Variants in CD2AP observed in about 807,000 individuals in gnomAD.
CD2AP encodes CD2-associated protein.
CD2AP carries 46 observed loss-of-function variants against 85.1 expected under a neutral mutation model. The observed-to-expected ratio is 0.54, with a 90% confidence interval of 0.43 to 0.69. CD2AP has a LOEUF of 0.69. Ranked by LOEUF, CD2AP falls within the 30% of genes least tolerant of loss-of-function variation. The pLI, the probability that CD2AP is intolerant of heterozygous loss-of-function variation, is 0.00. For missense variants in CD2AP, 769 were observed against 729.5 expected, an observed-to-expected ratio of 1.05 and a Z score of -0.62; for synonymous variants, 255 against 252.9, an observed-to-expected ratio of 1.01 and a Z score of -0.08.
intron 17 of CD2AP, among the ~76,000 whole-genome samples, chr6:47,620,952 T>A (rs1002461330): frequency 6.6e-6 from 1 of 152,174 alleles, no homozygotes; most frequent in Non-Finnish European, 1.5e-5. Context: ...GAAGGAGTCT[T>A]GAGGGTTTTC....
At chr6:47,571,365 T>C (rs1768146628) in intron 5 of CD2AP, among the ~76,000 whole-genome samples, 3 of 152,086 alleles carry the variant, frequency 2.0e-5, no homozygotes. Context: ...TGCACAGGAC[T>C]GGTATTCCTG....
At chr6:47,569,984 G>T (rs993772763) in intron 5 of CD2AP, among the ~76,000 whole-genome samples, 1 of 152,018 alleles carries the variant, frequency 6.6e-6, no homozygotes, top group African/African-American at 2.4e-5. Flanking sequence ...TACTTTTTAG[G>T]AACTATGCAA....
At chr6:47,595,087 G>A (rs1382928511) in intron 11 of CD2AP, among the ~76,000 whole-genome samples, 2 of 151,966 alleles carry the variant, frequency 1.3e-5, no homozygotes, top group Admixed American at 6.6e-5. Flanking sequence ...GTATGCATGT[G>A]TCAATTTTAA....
At chr6:47,574,903 TC>T (rs1768263663) in intron 6 of CD2AP, among the ~76,000 whole-genome samples, 1 of 152,146 alleles carries the variant, frequency 6.6e-6, no homozygotes, top group African/African-American at 2.4e-5. Flanking sequence ...TTTTCACAGT[TC>T]CTTCTATCAG....
intron 11 of CD2AP, among the ~76,000 whole-genome samples, chr6:47,594,491 T>C (rs1215130669): frequency 1.3e-5 from 2 of 152,050 alleles, no homozygotes; most frequent in Admixed American, 1.3e-4. Flanking sequence ...TTAAAATAAA[T>C]ATATTCAATC....
intron 11 of CD2AP, among the ~76,000 whole-genome samples, chr6:47,584,623 T>C (rs921378123): frequency 6.6e-6 from 1 of 152,190 alleles, no homozygotes; most frequent in Non-Finnish European, 1.5e-5. Context: ...AAATATGTCA[T>C]GTACTTTCCT....
At chr6:47,605,285 T>C (rs982293500) in intron 13 of CD2AP, among the ~76,000 whole-genome samples, 1 of 151,962 alleles carries the variant, frequency 6.6e-6, no homozygotes, top group Non-Finnish European at 1.5e-5. Flanking sequence ...TCTGTAGCAG[T>C]TTACCTTTTG....
chr6:47,618,994 A>T (rs900818162), intron 17 of CD2AP, among the ~76,000 whole-genome samples: 1 of 152,234 alleles, frequency 6.6e-6, no homozygotes, highest in Non-Finnish European at 1.5e-5. Context: ...TTAACATTAT[A>T]CAGTATTATA....
intron 1 of CD2AP, among the ~76,000 whole-genome samples, chr6:47,491,285 G>A (rs995438853): frequency 6.6e-6 from 1 of 151,546 alleles, no homozygotes; most frequent in African/African-American, 2.4e-5. Flanking sequence ...GTGTGTGTGT[G>A]TGTGTGTGTG....
At chr6:47,558,305 G>A (rs931541740) in intron 5 of CD2AP, among the ~76,000 whole-genome samples, 4 of 152,106 alleles carry the variant, frequency 2.6e-5, no homozygotes, top group Non-Finnish European at 5.9e-5. Flanking sequence ...CTTCCTAGCT[G>A]AATGCCCTTT....
At chr6:47,539,197 GTAA>G (rs956243955) in intron 3 of CD2AP, among the ~76,000 whole-genome samples, 1 of 152,204 alleles carries the variant, frequency 6.6e-6, no homozygotes, top group Non-Finnish European at 1.5e-5. Flanking sequence ...AACATGTTAA[GTAA>G]TTGTAAGTGC....
chr6:47,511,886 G>GGGT (rs10656223), intron 2 of CD2AP, among the ~76,000 whole-genome samples: 92,672 of 151,622 alleles, frequency 0.61, 29,030 homozygotes, highest in Middle Eastern at 0.72. Flanking sequence ...AATTGGCCGG[G>GGGT]GGTGGCTCAC....
chr6:47,589,379 T>TAC (rs1554182232), intron 11 of CD2AP, among the ~76,000 whole-genome samples: 37 of 139,438 alleles, frequency 2.7e-4, no homozygotes, highest in Middle Eastern at 3.6e-3. Context: ...CTCTTGAATA[T>TAC]ACACACACAC....
intron 4 of CD2AP, among the ~76,000 whole-genome samples, chr6:47,550,607 G>A (rs1284439306): frequency 6.6e-6 from 1 of 152,110 alleles, no homozygotes; most frequent in African/African-American, 2.4e-5. Context: ...AACTAGTACA[G>A]CCACTATGGA....
chr6:47,531,108 T>G (rs1766863352), intron 2 of CD2AP, among the ~76,000 whole-genome samples: 1 of 152,136 alleles, frequency 6.6e-6, no homozygotes, highest in African/African-American at 2.4e-5. Flanking sequence ...ATGTGTTTTT[T>G]GATATCATAC....
chr6:47,620,235 G>A (rs1253252079), intron 17 of CD2AP, among the ~76,000 whole-genome samples: 1 of 152,180 alleles, frequency 6.6e-6, no homozygotes, highest in East Asian at 1.9e-4. Flanking sequence ...GTTGATTTTG[G>A]TATAAGGTGA....
chr6:47,578,428 G>GT (rs751631917), intron 8 of CD2AP, among the ~76,000 whole-genome samples: 107 of 152,104 alleles, frequency 7.0e-4, no homozygotes, highest in Non-Finnish European at 2.5e-4. Context: ...CCAGGCTGGT[G>GT]TTGCAAACTC....
At chr6:47,547,156 T>C (rs1767384926) in intron 4 of CD2AP, among the ~76,000 whole-genome samples, 1 of 152,056 alleles carries the variant, frequency 6.6e-6, no homozygotes, top group South Asian at 2.1e-4. Flanking sequence ...CTCAGGTATA[T>C]AGGCAACAAA....
At chr6:47,614,653 C>CAAAGTGAT (rs1162022046) in intron 17 of CD2AP, among the ~76,000 whole-genome samples, 1 of 152,162 alleles carries the variant, frequency 6.6e-6, no homozygotes, top group Non-Finnish European at 1.5e-5. Context: ...ACAAAGTGAT[C>CAAAGTGAT]ACATATTGTT....
Sources: allele counts gnomAD v4.1 joint callset (sites outside exome capture counted in the v4.1 genomes callset), GRCh38; gene constraint gnomAD v4.1.1; transcripts MANE v1.5; gene names NCBI Gene and HGNC (gene_info 2026-07-23, HGNC 2026-07-21).